Variants in SLIT1 observed in about 807,000 individuals in gnomAD.
SLIT1 encodes slit guidance ligand 1.
In SLIT1, 66 loss-of-function variants were observed where a neutral mutation model predicts 186.1. The ratio of observed to expected loss-of-function variants is 0.35; its 90% CI spans 0.29 to 0.44. SLIT1 has a LOEUF of 0.44. SLIT1 is among the 20% of genes least tolerant of loss of function. SLIT1 has a pLI of 1.00. For missense variants in SLIT1, 1,638 were observed against 2,037.4 expected, an observed-to-expected ratio of 0.80 and a Z score of 3.77; for synonymous variants, 761 against 833.8, an observed-to-expected ratio of 0.91 and a Z score of 1.50.
chr10:97,068,133 T>TTGAATGAATGAA lies in SLIT1; in HGVS notation c.414-2059_414-2048dup, dbSNP rs113007870. ...ACATCAGCCACTCGCCAAGCATTTGTTGAATGAATGAATGAATGAATGAAT... is the reference window on the plus strand; with the variant it reads ...ACATCAGCCACTCGCCAAGCATTTGTTGAATGAATGAATGAATGAATGAATGAATGAATGAAT... On this transcript the variant is annotated intron_variant, in intron 4 of 36. Coordinates refer to ENST00000266058, the MANE Select transcript of SLIT1 (RefSeq NM_003061.3). The surrounding 1 kb of genome is among the most constrained non-coding windows in gnomAD (Gnocchi z 4.2). 0.015 allele frequency among the ~76,000 whole-genome samples: 2,342 copies of TTGAATGAATGAA among 151,802 alleles called. 49 individuals carry two copies. Among genetic ancestry groups the TTGAATGAATGAA allele is most frequent in the African/African-American group, 0.05 (2,073 of 41,190 alleles).
chr10:97,037,885 C>G, intron 21 of SLIT1, 119 bp from the exon 22 acceptor site: 1 of 711,192 alleles, frequency 1.4e-6, no homozygotes, highest in Middle Eastern at 3.2e-4. Context: ...CCACATAGGC[C>G]ACACGATGGG....
At chr10:97,148,089 A>G (rs1306771062) in intron 4 of SLIT1, among the ~76,000 whole-genome samples, 1 of 152,214 alleles carries the variant, frequency 6.6e-6, no homozygotes, top group Non-Finnish European at 1.5e-5. Context: ...CCAAGCCTGG[A>G]TCTGCCAACA....
chr10:97,037,247 A>G (rs1465910001), intron 22 of SLIT1, among the ~76,000 whole-genome samples: 1 of 152,044 alleles, frequency 6.6e-6, no homozygotes, highest in African/African-American at 2.4e-5. Context: ...GGCATGTGCC[A>G]CCATGCCCGG....
chr10:97,080,649 C>T (rs922065621), intron 4 of SLIT1, among the ~76,000 whole-genome samples: 2 of 152,164 alleles, frequency 1.3e-5, no homozygotes, highest in Non-Finnish European at 2.9e-5. Flanking sequence ...GTTCAAACAC[C>T]CGGAGCTGGG....
At chr10:97,045,248 T>C (rs1168870269) in intron 18 of SLIT1, among the ~76,000 whole-genome samples, 1 of 152,178 alleles carries the variant, frequency 6.6e-6, no homozygotes, top group Non-Finnish European at 1.5e-5. Flanking sequence ...TGCCAATAAT[T>C]ATATAATACC....
chr10:97,108,811 C>G (rs891762145), intron 4 of SLIT1, among the ~76,000 whole-genome samples: 3 of 143,972 alleles, frequency 2.1e-5, no homozygotes, highest in African/African-American at 7.6e-5. Context: ...TCGCTTGAAC[C>G]TGGTAGGCAG....
intron 8 of SLIT1, 123 bp downstream of exon 8, chr10:97,063,332 G>C: frequency 5.8e-6 from 6 of 1,043,148 alleles, no homozygotes; most frequent in Non-Finnish European, 8.7e-6. Context: ...GGTGGGGCCA[G>C]GTGATGGGCG....
At chr10:97,091,768 G>C in intron 4 of SLIT1, among the ~76,000 whole-genome samples, 1 of 152,296 alleles carries the variant, frequency 6.6e-6, no homozygotes, top group South Asian at 2.1e-4. Context: ...CACAGAGCTC[G>C]TAGGAGCACA....
chr10:97,185,922 C>T lies in SLIT1; in HGVS notation c.-248G>A. 1 of 486,776 alleles carries T rather than the reference C, an allele frequency of 2.1e-6. No homozygotes were observed. Among genetic ancestry groups the T allele is most frequent in the Non-Finnish European group, 3.6e-6 (1 of 278,532 alleles). 30.2% of individuals were successfully genotyped at this position (486,776 alleles called of 1,614,324 possible). A position where few individuals can be genotyped will look rare whatever the true frequency, so the allele number is the denominator to read the frequency against. ...GCCGTTTCGCCGCCTGCGTCTCCCT[C>T]TCCCTCCCTCCAGCTCCCAACTGAC... On this transcript the variant is annotated 5_prime_UTR_variant, in exon 1 of 37. Transcript: ENST00000266058.
At chr10:97,030,674 C>T (rs2134608619) in intron 25 of SLIT1, 83 bp downstream of exon 25, 2 of 1,140,664 alleles carry the variant, frequency 1.8e-6, no homozygotes. Flanking sequence ...CAAACTCTGA[C>T]AATCTCAGGA....
rs190061406 is a variant in SLIT1 at position 97,043,760 on chromosome 10, C to T, written c.1854-247G>A. ...CTCTGTCTCTCTCTCCCTGCCACTG[C>T]CCTGTCCCCCATGCTGGCCTTGCCT... On this transcript the variant is annotated intron_variant, in intron 18 of 36. Coordinates refer to ENST00000266058, the MANE Select transcript of SLIT1 (RefSeq NM_003061.3). The surrounding 1 kb of genome is among the most constrained non-coding windows in gnomAD (Gnocchi z 7.0). Among the ~76,000 whole-genome samples, 325 of 152,348 alleles carry T rather than the reference C, an allele frequency of 2.1e-3. 2 individuals carry two copies. Among genetic ancestry groups the T allele is most frequent in the African/African-American group, 7.7e-3 (319 of 41,584 alleles).
rs1589360485 is a variant in SLIT1, at chr10:97,006,307, A to G, written c.3579+176T>C. Reference sequence around the variant, plus strand: ...GTTTTGTGACACTATAACCTTTCTAATTGTGCTTAAACTAGTTCAAGCTGA... The same window carrying G: ...GTTTTGTGACACTATAACCTTTCTAGTTGTGCTTAAACTAGTTCAAGCTGA... On this transcript the variant is annotated intron_variant, in intron 32 of 36. Coordinates refer to ENST00000266058, the MANE Select transcript of SLIT1 (RefSeq NM_003061.3). This position sits in a 1 kb window ranked among gnomAD's most constrained non-coding sequence, Gnocchi z 4.0. Among the ~76,000 whole-genome samples the G allele has an allele frequency of 6.6e-6, 1 of 152,144 alleles. No homozygotes were observed. The highest frequency in any genetic ancestry group is 1.9e-4 in the East Asian group (1 of 5,190).
intron 4 of SLIT1, among the ~76,000 whole-genome samples, chr10:97,097,389 G>C (rs960629141): frequency 1.3e-5 from 2 of 152,104 alleles, no homozygotes; most frequent in African/African-American, 4.8e-5. Context: ...ATTTACTCCT[G>C]GGTCATGGAG....
intron 21 of SLIT1, 101 bp from the exon 22 acceptor site, chr10:97,037,867 C>T (rs1435973669): frequency 2.2e-6 from 2 of 897,470 alleles, no homozygotes; most frequent in African/African-American, 3.3e-5. Context: ...GCTCTCATTT[C>T]CTCTCCTCCA....
chr10:97,051,447 A>G (rs1389058925), intron 13 of SLIT1, among the ~76,000 whole-genome samples: 1 of 152,202 alleles, frequency 6.6e-6, no homozygotes, highest in African/African-American at 2.4e-5. Flanking sequence ...TAGTACCGCC[A>G]CTTTGGAAAA....
chr10:97,011,269 C>G (rs1848408321), intron 30 of SLIT1, 139 bp from the exon 31 acceptor site: 1 of 649,462 alleles, frequency 1.5e-6, no homozygotes, highest in Admixed American at 2.5e-5. Flanking sequence ...TGGGGATCTC[C>G]AGGAGGTCAC....
At chr10:97,103,932 C>T (rs1020376221) in intron 4 of SLIT1, among the ~76,000 whole-genome samples, 1 of 152,174 alleles carries the variant, frequency 6.6e-6, no homozygotes, top group Non-Finnish European at 1.5e-5. Context: ...GGCGGGAGTG[C>T]AGACTGCAGA....
At chr10:97,071,351 G>A (rs1848999582) in intron 4 of SLIT1, among the ~76,000 whole-genome samples, 1 of 152,328 alleles carries the variant, frequency 6.6e-6, no homozygotes, top group East Asian at 1.9e-4. Context: ...GGGACCTCCA[G>A]TGGGACCCTC....
At chr10:97,011,231 G>T in intron 30 of SLIT1, 101 bp from the exon 31 acceptor site, 1 of 805,802 alleles carries the variant, frequency 1.2e-6, no homozygotes, top group Non-Finnish European at 2.1e-6. Flanking sequence ...GTACATGTGA[G>T]GGAGAACCTC....
Sources: gnomAD v4.1 joint callset for allele counts (sites outside exome capture counted in the v4.1 genomes callset) on GRCh38, gnomAD v4.1.1 for gene constraint, Gnocchi (gnomAD v3.1) non-coding constraint, MANE v1.5 for transcripts, NCBI Gene and HGNC (gene_info 2026-07-23, HGNC 2026-07-21) for gene names.